STRN: variants seen among roughly 807,000 people sequenced by gnomAD.
The protein encoded by STRN is striatin, also known as protein phosphatase 2 regulatory subunit B'''alpha.
Under a neutral mutation model 96.3 loss-of-function variants are expected in STRN, and 53 were observed. The ratio of observed to expected loss-of-function variants is 0.55; its 90% CI spans 0.44 to 0.69. The LOEUF (loss-of-function observed/expected upper bound fraction) is 0.69, where lower values mean the gene tolerates loss of function less well. STRN is among the 30% of genes least tolerant of loss of function. The pLI is 0.00. For missense variants in STRN, 987 were observed against 963.9 expected (o/e 1.02, Z -0.32); for synonymous variants, 428 against 355.9 (o/e 1.20, Z -2.28).
rs1211089645 is a variant in STRN, at chr2:36,848,944, C to CA, written c.*511dup. ...TGAAAGGAGAGTCAAATTAAAAACT[C>CA]AGTTTAACACTGCCTGGTCATTATA... On this transcript the variant is annotated 3_prime_UTR_variant, in exon 18 of 18. Transcript: ENST00000263918. 1 of 153,122 alleles carries CA rather than the reference C, an allele frequency of 6.5e-6. No individual in the cohort carries two copies. Among genetic ancestry groups the CA allele is most frequent in the African/African-American group, 2.4e-5 (1 of 41,432 alleles). The allele number at this position is 153,122 out of a possible 1,614,324, so 9.5% of individuals were successfully genotyped here. A position where few individuals can be genotyped will look rare whatever the true frequency, so the allele number is the denominator to read the frequency against.
Position 36,927,527 on chromosome 2 carries a change from G to A in STRN, c.235-2319C>T, listed in dbSNP as rs980847602. Among the ~76,000 whole-genome samples the A allele has an allele frequency of 3.3e-4, 43 of 129,624 alleles. 1 individual carries two copies. Among genetic ancestry groups the A allele is most frequent in the Non-Finnish European group, 5.2e-4 (32 of 62,078 alleles). 85.0% of individuals were successfully genotyped at this position (129,624 alleles called of 152,430 possible). On this transcript the variant is annotated intron_variant, in intron 1 of 17. Transcript: ENST00000263918. The stretch of plus-strand genomic sequence containing the variant: ...CTATATCAAAAAAACAAAAAAAAGG[G>A]GGGGGGGGGTGGTAATCAGGGCCAG...
chr2:36,874,707 T>C (rs1375450072), intron 10 of STRN, among the ~76,000 whole-genome samples: 4 of 141,256 alleles, frequency 2.8e-5, no homozygotes, highest in Non-Finnish European at 6.1e-5. Flanking sequence ...TAAAATACTA[T>C]GTTTAGAGTT....
chr2:36,953,235 G>C (rs900480583), intron 1 of STRN, among the ~76,000 whole-genome samples: 7 of 151,966 alleles, frequency 4.6e-5, no homozygotes, highest in African/African-American at 1.7e-4. Context: ...CTTAATTCCA[G>C]GGTTCCTATT....
chr2:36,898,854 G>A (rs1243960036), intron 6 of STRN, among the ~76,000 whole-genome samples: 1 of 151,970 alleles, frequency 6.6e-6, no homozygotes, highest in African/African-American at 2.4e-5. Context: ...TAAAAAGAAG[G>A]AAAAGGAGTA....
intron 10 of STRN, 111 bp downstream of exon 10, chr2:36,877,779 GC>G: frequency 8.4e-7 from 1 of 1,190,754 alleles, no homozygotes; most frequent in Non-Finnish European, 1.2e-6. Flanking sequence ...CAAGTGATCC[GC>G]CCACCTCGGC....
chr2:36,943,368 T>C (rs1670893591), intron 1 of STRN, among the ~76,000 whole-genome samples: 1 of 151,022 alleles, frequency 6.6e-6, no homozygotes, highest in African/African-American at 2.4e-5. Context: ...TTATTAAAAA[T>C]AAGTACAGGG....
At chr2:36,921,457 C>T (rs1355639234) in intron 2 of STRN, among the ~76,000 whole-genome samples, 1 of 152,218 alleles carries the variant, frequency 6.6e-6, no homozygotes, top group Non-Finnish European at 1.5e-5. Flanking sequence ...TTTCACTTCA[C>T]TCACAATAAT....
At chr2:36,966,028 A>G (rs984874588) in intron 1 of STRN, among the ~76,000 whole-genome samples, 1 of 150,640 alleles carries the variant, frequency 6.6e-6, no homozygotes, top group South Asian at 2.1e-4. Flanking sequence ...ACGCACCAGG[A>G]GCGGGAGTGA....
At chr2:36,906,096 T>C (rs1407808678) in intron 3 of STRN, among the ~76,000 whole-genome samples, 4 of 152,170 alleles carry the variant, frequency 2.6e-5, no homozygotes, top group African/African-American at 4.8e-5. Context: ...CTAGTACACA[T>C]TGCATGCCTC....
chr2:36,929,263 C>A (rs1161996522), intron 1 of STRN, among the ~76,000 whole-genome samples: 1 of 152,066 alleles, frequency 6.6e-6, no homozygotes, highest in East Asian at 1.9e-4. Flanking sequence ...TCTAATTTGT[C>A]AAAAGGATAT....
intron 1 of STRN, among the ~76,000 whole-genome samples, chr2:36,944,892 T>C (rs1670940139): frequency 6.6e-6 from 1 of 152,160 alleles, no homozygotes; most frequent in African/African-American, 2.4e-5. Flanking sequence ...TAGCAAGAAG[T>C]AGAATGCTAG....
At chr2:36,898,274 T>G (rs1669595142) in intron 6 of STRN, among the ~76,000 whole-genome samples, 1 of 152,228 alleles carries the variant, frequency 6.6e-6, no homozygotes, top group Admixed American at 6.5e-5. Flanking sequence ...CTACCCAATT[T>G]CCAGATGATC....
At chr2:36,928,900 A>C (rs1387488838) in intron 1 of STRN, among the ~76,000 whole-genome samples, 1 of 150,528 alleles carries the variant, frequency 6.6e-6, no homozygotes, top group Non-Finnish European at 1.5e-5. Flanking sequence ...GTGAGCCGAG[A>C]CCACGCCACT....
rs901805321 is a variant in STRN at position 36,838,843 on chromosome 2, A to T, written c.*10613T>A. Among the ~76,000 whole-genome samples the T allele has an allele frequency of 6.6e-6, 1 of 152,202 alleles. No homozygotes were observed. The highest frequency in any genetic ancestry group is 2.4e-5 in the African/African-American group (1 of 41,442). ...AGAGAAATTCTCATCCTACATTGTT[A>T]AATGAGAAATGTGAGATGCAGAGAA... On this transcript the variant is annotated 3_prime_UTR_variant, in exon 18 of 18. Coordinates refer to ENST00000263918, the MANE Select transcript of STRN (RefSeq NM_003162.4).
At chr2:36,879,362 G>T (rs541380140) in intron 9 of STRN, among the ~76,000 whole-genome samples, 1 of 152,190 alleles carries the variant, frequency 6.6e-6, no homozygotes, top group African/African-American at 2.4e-5. Context: ...GAGCCACCAC[G>T]CCCAGCGAGA....
chr2:36,884,876 C>G (rs1165663513), intron 8 of STRN, among the ~76,000 whole-genome samples: 1 of 151,888 alleles, frequency 6.6e-6, no homozygotes, highest in Non-Finnish European at 1.5e-5. Context: ...TATATCAATT[C>G]AAAGCATGGC....
At position 36,950,915 on chromosome 2, in the gene STRN, T is replaced by C. The variant is rs141985396; in HGVS notation, c.234+15315A>G. Among the ~76,000 whole-genome samples the C allele has an allele frequency of 1.6e-3, 248 of 152,278 alleles. 3 individuals carry two copies. Among genetic ancestry groups the C allele is most frequent in the African/African-American group, 5.0e-3 (207 of 41,538 alleles). On this transcript the variant is annotated intron_variant, in intron 1 of 17. Coordinates refer to ENST00000263918, the MANE Select transcript of STRN (RefSeq NM_003162.4). ...GTGTTTCAGTGTAAGTTCCAGATAA[T>C]TGAGGCATTTATATTATTTATTTTA...
intron 3 of STRN, among the ~76,000 whole-genome samples, chr2:36,908,700 G>A (rs1039357155): frequency 6.6e-6 from 1 of 152,122 alleles, no homozygotes; most frequent in African/African-American, 2.4e-5. Context: ...TGGCTGGGCC[G>A]CAGTGGCTCA....
Position 36,941,529 on chromosome 2 carries a change from T to A in STRN, c.235-16321A>T, listed in dbSNP as rs537496684. ...ATGAACAGAATCATGGTGCAAAATT[T>A]TATAACTTATTTTCTTATGTAAACT... On this transcript the variant is annotated intron_variant, in intron 1 of 17. Coordinates refer to ENST00000263918, the MANE Select transcript of STRN (RefSeq NM_003162.4). 2.0e-5 allele frequency among the ~76,000 whole-genome samples: 3 copies of A among 152,228 alleles called. No individual in the cohort carries two copies. In the South Asian group the frequency reaches 6.2e-4, roughly 32 times the overall value.
Sources: gnomAD v4.1 joint callset for allele counts (sites outside exome capture counted in the v4.1 genomes callset) on GRCh38, gnomAD v4.1.1 for gene constraint, MANE v1.5 for transcripts, NCBI Gene and HGNC (gene_info 2026-07-23, HGNC 2026-07-21) for gene names.